GABRB1: variants seen among roughly 807,000 people sequenced by gnomAD.
The protein encoded by GABRB1 is gamma-aminobutyric acid receptor subunit beta-1.
GABRB1 carries 17 observed loss-of-function variants against 51.6 expected under a neutral mutation model. The ratio of observed to expected loss-of-function variants is 0.33; its 90% CI spans 0.23 to 0.49. The LOEUF (loss-of-function observed/expected upper bound fraction) is 0.49. GABRB1 is among the 20% of genes least tolerant of loss of function. GABRB1 has a pLI of 0.99. For missense variants in GABRB1, 410 were observed against 600.6 expected, an observed-to-expected ratio of 0.68 and a Z score of 3.32; for synonymous variants, 247 against 218.9, an observed-to-expected ratio of 1.13 and a Z score of -1.14.
chr4:47,293,788 G>C (rs1038954289), intron 4 of GABRB1, among the ~76,000 whole-genome samples: 2 of 152,070 alleles, frequency 1.3e-5, no homozygotes, highest in South Asian at 2.1e-4. Flanking sequence ...TCCTAAAATA[G>C]TCTCAGTCCT....
intron 4 of GABRB1, among the ~76,000 whole-genome samples, chr4:47,201,854 C>T (rs1336194452): frequency 6.6e-6 from 1 of 152,110 alleles, no homozygotes; most frequent in Non-Finnish European, 1.5e-5. Context: ...CCCGTCTGTT[C>T]CAATATTTCA....
At chr4:47,111,133 C>T (rs1277513730) in intron 3 of GABRB1, among the ~76,000 whole-genome samples, 1 of 152,114 alleles carries the variant, frequency 6.6e-6, no homozygotes, top group African/African-American at 2.4e-5. Context: ...GTGTGCAGAA[C>T]TGGAAGCCTT....
intron 5 of GABRB1, among the ~76,000 whole-genome samples, chr4:47,401,139 C>T (rs1301349421): frequency 6.6e-6 from 1 of 152,082 alleles, no homozygotes; most frequent in Non-Finnish European, 1.5e-5. Flanking sequence ...CAATTGTAAA[C>T]TGTGTTGTGA....
chr4:47,001,650 T>TC (rs1724222451), intron 1 of GABRB1, among the ~76,000 whole-genome samples: 1 of 152,182 alleles, frequency 6.6e-6, no homozygotes, highest in Non-Finnish European at 1.5e-5. Context: ...CATTAGATAT[T>TC]CCCTGGGTCT....
chr4:47,204,648 A>G (rs768626285), intron 4 of GABRB1, among the ~76,000 whole-genome samples: 7 of 152,054 alleles, frequency 4.6e-5, no homozygotes, highest in Non-Finnish European at 8.8e-5. Flanking sequence ...TTCCCGTCCT[A>G]TTCTCATAGT....
At chr4:47,201,689 C>G (rs1045427277) in intron 4 of GABRB1, among the ~76,000 whole-genome samples, 4 of 151,688 alleles carry the variant, frequency 2.6e-5, no homozygotes, top group Non-Finnish European at 5.9e-5. Context: ...TATTCATTAC[C>G]AATATTTTTA....
chr4:47,082,192 T>C (rs1727879235), intron 3 of GABRB1, among the ~76,000 whole-genome samples: 1 of 152,054 alleles, frequency 6.6e-6, no homozygotes. Context: ...CATGATACTT[T>C]TATATCAGCT....
chr4:47,363,342 T>C (rs187347367), intron 5 of GABRB1, among the ~76,000 whole-genome samples: 3 of 152,264 alleles, frequency 2.0e-5, no homozygotes, highest in East Asian at 1.9e-4. Context: ...ACATACCATA[T>C]ACCATGGACC....
At chr4:47,187,514 T>C (rs1487297702) in intron 4 of GABRB1, among the ~76,000 whole-genome samples, 2 of 151,794 alleles carry the variant, frequency 1.3e-5, no homozygotes, top group Admixed American at 6.6e-5. Context: ...AAATTTGCCT[T>C]CCAGGAAAAC....
intron 5 of GABRB1, among the ~76,000 whole-genome samples, chr4:47,347,909 G>A (rs1306029637): frequency 6.6e-6 from 1 of 152,154 alleles, no homozygotes; most frequent in Non-Finnish European, 1.5e-5. Flanking sequence ...AGATTAGCAT[G>A]CATTCATAAT....
intron 4 of GABRB1, among the ~76,000 whole-genome samples, chr4:47,310,714 GA>G (rs1266514354): frequency 6.6e-6 from 1 of 152,188 alleles, no homozygotes; most frequent in South Asian, 2.1e-4. Context: ...TATTGGAGTG[GA>G]AAAGGCTTCA....
At chr4:47,393,146 G>T (rs545048461) in intron 5 of GABRB1, among the ~76,000 whole-genome samples, 1 of 152,318 alleles carries the variant, frequency 6.6e-6, no homozygotes, top group East Asian at 1.9e-4. Flanking sequence ...GAATCAATGT[G>T]GTTGCTGTAG....
At chr4:47,020,138 C>T (rs943881154) in intron 1 of GABRB1, among the ~76,000 whole-genome samples, 2 of 151,940 alleles carry the variant, frequency 1.3e-5, no homozygotes, top group Non-Finnish European at 2.9e-5. Context: ...ACTGCCTTCT[C>T]CTTTTGTCCT....
chr4:47,180,735 TTA>T (rs889696565), intron 4 of GABRB1, among the ~76,000 whole-genome samples: 29 of 152,110 alleles, frequency 1.9e-4, no homozygotes, highest in African/African-American at 5.8e-4. Context: ...TCAAAGATAT[TTA>T]TTGCCAAGCA....
chr4:47,014,910 A>G (rs906211563), intron 1 of GABRB1, among the ~76,000 whole-genome samples: 141 of 152,100 alleles, frequency 9.3e-4, no homozygotes, highest in Non-Finnish European at 1.3e-3. Flanking sequence ...TTATTTATTT[A>G]TTTATTTATT....
chr4:47,169,743 C>T (rs1278572522), intron 4 of GABRB1, among the ~76,000 whole-genome samples: 1 of 152,074 alleles, frequency 6.6e-6, no homozygotes, highest in South Asian at 2.1e-4. Flanking sequence ...CTCAGGTGAT[C>T]CCCCCGCCTT....
chr4:47,137,160 T>C (rs1716698468), intron 3 of GABRB1, among the ~76,000 whole-genome samples: 1 of 151,790 alleles, frequency 6.6e-6, no homozygotes, highest in Non-Finnish European at 1.5e-5. Flanking sequence ...CTCTAGGAAG[T>C]TGAGGGAAGG....
At chr4:47,354,837 TA>T (rs71195626) in intron 5 of GABRB1, among the ~76,000 whole-genome samples, 14,744 of 150,152 alleles carry the variant, frequency 0.098, 932 homozygotes, top group African/African-American at 0.17. Flanking sequence ...ATTAGCCTCT[TA>T]TAAAGCTTTT....
chr4:46,994,704 C>T (rs941169150), intron 1 of GABRB1, among the ~76,000 whole-genome samples: 1 of 152,044 alleles, frequency 6.6e-6, no homozygotes, highest in Non-Finnish European at 1.5e-5. Flanking sequence ...TTATTGGCTC[C>T]AAGGGGGAAA....
Sources: allele counts gnomAD v4.1 joint callset (sites outside exome capture counted in the v4.1 genomes callset), GRCh38; gene constraint gnomAD v4.1.1; transcripts MANE v1.5; gene names NCBI Gene and HGNC (gene_info 2026-07-23, HGNC 2026-07-21).